Variants in HS6ST3 observed in about 807,000 individuals in gnomAD.
HS6ST3 encodes the protein heparan-sulfate 6-O-sulfotransferase 3.
Under a neutral mutation model 36.7 loss-of-function variants are expected in HS6ST3, and 12 were observed. That is an observed-to-expected ratio of 0.33 (90% CI 0.21 to 0.53). HS6ST3 has a LOEUF of 0.53. HS6ST3 is among the 20% of genes least tolerant of loss of function. The pLI is 0.95. For missense variants in HS6ST3, 584 were observed against 640.9 expected (o/e 0.91, Z 0.96); for synonymous variants, 240 against 257.5 (o/e 0.93, Z 0.65).
intron 1 of HS6ST3, among the ~76,000 whole-genome samples, chr13:96,611,502 A>G (rs1365736953): frequency 6.6e-6 from 1 of 152,190 alleles, no homozygotes; most frequent in East Asian, 1.9e-4. Flanking sequence ...TATGACCTCT[A>G]CCTTCAAAGA....
At chr13:96,245,761 A>C (rs1363490177) in intron 1 of HS6ST3, among the ~76,000 whole-genome samples, 1 of 152,112 alleles carries the variant, frequency 6.6e-6, no homozygotes, top group Non-Finnish European at 1.5e-5. Context: ...ATTTTTTCCC[A>C]TGAAATCTAC....
chr13:96,537,615 T>C (rs2056161001), intron 1 of HS6ST3, among the ~76,000 whole-genome samples: 1 of 152,202 alleles, frequency 6.6e-6, no homozygotes, highest in Non-Finnish European at 1.5e-5. Flanking sequence ...ATAGGGGACA[T>C]GTTTCATGCA....
At chr13:96,707,448 T>A (rs573074419) in intron 1 of HS6ST3, among the ~76,000 whole-genome samples, 2 of 152,332 alleles carry the variant, frequency 1.3e-5, no homozygotes, top group Non-Finnish European at 2.9e-5. Context: ...ACTAGAACAG[T>A]GAGCAATCAG....
At chr13:96,224,931 G>A (rs994174811) in intron 1 of HS6ST3, among the ~76,000 whole-genome samples, 1 of 152,172 alleles carries the variant, frequency 6.6e-6, no homozygotes, top group South Asian at 2.1e-4. Flanking sequence ...TGTTTAAGTG[G>A]AGCGTGTTTG....
In HS6ST3 at chr13:96,833,280, C is replaced by A. The variant is rs1240941887; in HGVS notation, c.*82C>A. 2.7e-6 allele frequency: 3 copies of A among 1,117,026 alleles called. No individual in the cohort carries two copies. Among genetic ancestry groups the A allele is most frequent in the Non-Finnish European group, 3.7e-6 (3 of 806,708 alleles). The allele number at this position is 1,117,026 out of a possible 1,614,324, so 69.2% of individuals were successfully genotyped here. A position where few individuals can be genotyped will look rare whatever the true frequency, so the allele number is the denominator to read the frequency against. On this transcript the variant is annotated 3_prime_UTR_variant, in exon 2 of 2. Coordinates refer to ENST00000376705, the MANE Select transcript of HS6ST3 (RefSeq NM_153456.4). ...GTTGAGGTACCTTGGAGAAGCTGAG[C>A]CATTCTGAGGACATCTGGCTGTGTG...
At chr13:96,173,453 A>G (rs903837572) in intron 1 of HS6ST3, among the ~76,000 whole-genome samples, 6 of 152,146 alleles carry the variant, frequency 3.9e-5, no homozygotes, top group Non-Finnish European at 5.9e-5. Flanking sequence ...GAGAATTTCT[A>G]CCATTAACTC....
intron 1 of HS6ST3, among the ~76,000 whole-genome samples, chr13:96,450,934 C>T (rs1441187926): frequency 6.6e-6 from 1 of 152,086 alleles, no homozygotes; most frequent in East Asian, 1.9e-4. Flanking sequence ...CCTTCAAACC[C>T]CTATGTGAAG....
At chr13:96,111,837 T>C (rs757468117) in intron 1 of HS6ST3, among the ~76,000 whole-genome samples, 1 of 152,206 alleles carries the variant, frequency 6.6e-6, no homozygotes, top group Non-Finnish European at 1.5e-5. Context: ...GCAGATTTCA[T>C]TGGAGATAAA....
chr13:96,163,858 T>A (rs2054148781), intron 1 of HS6ST3, among the ~76,000 whole-genome samples: 1 of 152,212 alleles, frequency 6.6e-6, no homozygotes, highest in East Asian at 1.9e-4. Flanking sequence ...AAAGTGCAGT[T>A]GCTAGCAGGG....
chr13:96,655,659 A>T (rs1249319405), intron 1 of HS6ST3, among the ~76,000 whole-genome samples: 1 of 152,110 alleles, frequency 6.6e-6, no homozygotes, highest in Non-Finnish European at 1.5e-5. Context: ...ACTACTGTTT[A>T]GTGCTGAGGA....
At chr13:96,203,011 A>T (rs1420324312) in intron 1 of HS6ST3, among the ~76,000 whole-genome samples, 1 of 151,584 alleles carries the variant, frequency 6.6e-6, no homozygotes, top group Non-Finnish European at 1.5e-5. Flanking sequence ...TCACTCCCTC[A>T]CTCATTTACT....
At chr13:96,184,221 A>AAAAAAGAG (rs1555389928) in intron 1 of HS6ST3, among the ~76,000 whole-genome samples, 3 of 61,000 alleles carry the variant, frequency 4.9e-5, no homozygotes, top group Non-Finnish European at 8.7e-5. Flanking sequence ...AAAAAAAAAA[A>AAAAAAGAG]AGAGAGAGAG....
intron 1 of HS6ST3, among the ~76,000 whole-genome samples, chr13:96,268,055 T>C (rs140368206): frequency 7.2e-5 from 11 of 152,058 alleles, no homozygotes; most frequent in Non-Finnish European, 1.5e-4. Flanking sequence ...TCATCTTTTA[T>C]AAGGACATCA....
intron 1 of HS6ST3, among the ~76,000 whole-genome samples, chr13:96,287,379 C>T (rs1195612692): frequency 6.6e-6 from 1 of 151,806 alleles, no homozygotes; most frequent in African/African-American, 2.4e-5. Context: ...TTTTAAGATC[C>T]TTAAGGAGCT....
chr13:96,695,060 T>C (rs961244655), intron 1 of HS6ST3, among the ~76,000 whole-genome samples: 4 of 152,216 alleles, frequency 2.6e-5, no homozygotes, highest in Admixed American at 6.5e-5. Context: ...GCCCATTTCA[T>C]GTAGGAATAC....
chr13:96,657,798 A>G (rs2139017072), intron 1 of HS6ST3, among the ~76,000 whole-genome samples: 1 of 152,270 alleles, frequency 6.6e-6, no homozygotes, highest in African/African-American at 2.4e-5. Context: ...AACTTGTTTT[A>G]TCCAGTGGAA....
At chr13:96,632,772 C>T (rs984102946) in intron 1 of HS6ST3, among the ~76,000 whole-genome samples, 16 of 152,130 alleles carry the variant, frequency 1.1e-4, no homozygotes, top group African/African-American at 3.1e-4. Flanking sequence ...CATTTCTTTT[C>T]GTTGTTAGCA....
At chr13:96,427,953 G>A (rs2055595495) in intron 1 of HS6ST3, among the ~76,000 whole-genome samples, 1 of 152,120 alleles carries the variant, frequency 6.6e-6, no homozygotes, top group Non-Finnish European at 1.5e-5. Flanking sequence ...AGGCATTTTT[G>A]GCAACAATAC....
At chr13:96,182,354 T>C (rs2054244077) in intron 1 of HS6ST3, among the ~76,000 whole-genome samples, 1 of 152,216 alleles carries the variant, frequency 6.6e-6, no homozygotes, top group Non-Finnish European at 1.5e-5. Flanking sequence ...GATGTCTTAA[T>C]GATTTAAGAC....
Sources: gnomAD v4.1 joint callset for allele counts (sites outside exome capture counted in the v4.1 genomes callset) on GRCh38, gnomAD v4.1.1 for gene constraint, MANE v1.5 for transcripts, NCBI Gene and HGNC (gene_info 2026-07-23, HGNC 2026-07-21) for gene names.